The following GRIK2 variants were observed in gnomAD, a reference collection of about 807,000 sequenced individuals.
GRIK2 encodes the protein glutamate ionotropic receptor kainate type subunit 2, also known as glutamate receptor ionotropic, kainate 2.
A neutral mutation model predicts 100.3 loss-of-function variants in GRIK2; 32 were observed. That is an observed-to-expected ratio of 0.32 (90% CI 0.24 to 0.43). The LOEUF (loss-of-function observed/expected upper bound fraction) is 0.43. GRIK2 is among the 20% of genes least tolerant of loss of function. The probability of loss-of-function intolerance (pLI) is 1.00; values close to 1 mark genes in which losing one functional copy is unlikely to be tolerated. For missense variants in GRIK2, 843 were observed against 1,114.9 expected, an observed-to-expected ratio of 0.76 and a Z score of 3.47; for synonymous variants, 417 against 389.4, an observed-to-expected ratio of 1.07 and a Z score of -0.83.
In GRIK2 at chr6:101,599,632, T is replaced by C. The variant is rs186290795; in HGVS notation, c.116-22317T>C. On this transcript the variant is annotated intron_variant, in intron 2 of 16. Coordinates refer to ENST00000369134, the MANE Select transcript of GRIK2 (RefSeq NM_021956.5). ...GGTGTAAGATGGTATCTCGTTGTGGTTTTGATTTGTATTTCTCTAATGATC... is the reference window on the plus strand; with the variant it reads ...GGTGTAAGATGGTATCTCGTTGTGGCTTTGATTTGTATTTCTCTAATGATC... 2.0e-5 allele frequency among the ~76,000 whole-genome samples: 3 copies of C among 151,928 alleles called. No individual in the cohort carries two copies. The East Asian group carries it at 5.9e-4, about 30-fold the overall frequency.
intron 7 of GRIK2, among the ~76,000 whole-genome samples, chr6:101,721,898 A>G (rs1774511937): frequency 6.6e-6 from 1 of 152,028 alleles, no homozygotes; most frequent in Non-Finnish European, 1.5e-5. Context: ...TAATTTCAAT[A>G]TGTTTCATGC....
chr6:101,718,822 C>T (rs1286371560), intron 7 of GRIK2, among the ~76,000 whole-genome samples: 1 of 151,920 alleles, frequency 6.6e-6, no homozygotes, highest in East Asian at 1.9e-4. Context: ...ATGTGATCCT[C>T]AACCAAGCAA....
intron 12 of GRIK2, among the ~76,000 whole-genome samples, chr6:101,922,692 A>C (rs1229225883): frequency 6.6e-6 from 1 of 152,116 alleles, no homozygotes; most frequent in Admixed American, 6.5e-5. Flanking sequence ...TGGGCAGGGG[A>C]ACTAATGGCA....
intron 2 of GRIK2, among the ~76,000 whole-genome samples, chr6:101,547,184 A>G (rs1386262621): frequency 6.6e-6 from 1 of 152,082 alleles, no homozygotes; most frequent in Non-Finnish European, 1.5e-5. Context: ...TGCCATCTAC[A>G]TTATAGTATT....
chr6:101,618,966 A>G (rs902273022), intron 2 of GRIK2, among the ~76,000 whole-genome samples: 1 of 149,704 alleles, frequency 6.7e-6, no homozygotes, highest in African/African-American at 2.5e-5. Context: ...AGTATTTTTA[A>G]ATAAAAATAA....
chr6:101,891,463 G>A (rs1787084831), intron 12 of GRIK2: 1 of 326,344 alleles, frequency 3.1e-6, no homozygotes, highest in Non-Finnish European at 5.7e-6. Context: ...GTTGCAGTAA[G>A]CCGAGATCGT....
At chr6:102,041,544 T>C (rs1388165425) in intron 15 of GRIK2, among the ~76,000 whole-genome samples, 1 of 151,534 alleles carries the variant, frequency 6.6e-6, no homozygotes, top group Non-Finnish European at 1.5e-5. Flanking sequence ...CATAGCATGT[T>C]GCATGGAGTC....
At chr6:101,449,396 T>G (rs958161964) in intron 2 of GRIK2, among the ~76,000 whole-genome samples, 2 of 151,668 alleles carry the variant, frequency 1.3e-5, no homozygotes, top group African/African-American at 4.8e-5. Context: ...GCCAGGCCAA[T>G]GTGAAGCACT....
At chr6:101,594,880 TTC>T (rs1778836599) in intron 2 of GRIK2, among the ~76,000 whole-genome samples, 1 of 151,660 alleles carries the variant, frequency 6.6e-6, no homozygotes, top group Non-Finnish European at 1.5e-5. Context: ...TTGTGTTTTT[TTC>T]TCTTTTTTTT....
At position 101,760,855 on chromosome 6, in the gene GRIK2, C is replaced by A. The variant is rs1051454827; in HGVS notation, c.952-38793C>A. Among the ~76,000 whole-genome samples, 4 of 149,556 alleles carry A rather than the reference C, an allele frequency of 2.7e-5. No homozygotes were observed. The Admixed American group carries it at 2.7e-4, about 10-fold the overall frequency. On this transcript the variant is annotated intron_variant, in intron 7 of 16. Coordinates refer to ENST00000369134, the MANE Select transcript of GRIK2 (RefSeq NM_021956.5). ...TCAAGTACAATCTATGAAAAGTTAACACTGTCATACAAAATTAATTTTTCA... is the reference window on the plus strand; with the variant it reads ...TCAAGTACAATCTATGAAAAGTTAAAACTGTCATACAAAATTAATTTTTCA...
intron 2 of GRIK2, among the ~76,000 whole-genome samples, chr6:101,504,623 CAGT>C (rs376166503): frequency 8.6e-5 from 13 of 151,558 alleles, no homozygotes; most frequent in African/African-American, 3.1e-4. Context: ...TAAACTGAAT[CAGT>C]AGTTGACACA....
intron 2 of GRIK2, among the ~76,000 whole-genome samples, chr6:101,615,058 G>A (rs1159470420): frequency 6.6e-6 from 1 of 151,652 alleles, no homozygotes; most frequent in Non-Finnish European, 1.5e-5. Context: ...TGTAAACCAG[G>A]GATCACTTGA....
chr6:101,753,852 A>G (rs1184016330), intron 7 of GRIK2, among the ~76,000 whole-genome samples: 1 of 151,970 alleles, frequency 6.6e-6, no homozygotes, highest in Non-Finnish European at 1.5e-5. Flanking sequence ...CAATTGAAAT[A>G]CAGTCTTATG....
intron 2 of GRIK2, among the ~76,000 whole-genome samples, chr6:101,599,522 A>G (rs1367967494): frequency 6.6e-6 from 1 of 151,694 alleles, no homozygotes; most frequent in Non-Finnish European, 1.5e-5. Context: ...GAACTAATTT[A>G]TGTTCCCACC....
At chr6:101,889,605 CTTTTTTTT>C in intron 11 of GRIK2, 27 bp from the exon 12 acceptor site, 8 of 711,240 alleles carry the variant, frequency 1.1e-5, no homozygotes, top group East Asian at 9.0e-5. Context: ...TTCTTTCTTT[CTTTTTTTT>C]TTTTTTTTGT....
chr6:101,928,891 A>AT (rs1008789603), intron 14 of GRIK2, among the ~76,000 whole-genome samples: 1 of 152,100 alleles, frequency 6.6e-6, no homozygotes, highest in Non-Finnish European at 1.5e-5. Flanking sequence ...CAAGGGTAAC[A>AT]TTTTTTCCCA....
intron 9 of GRIK2, among the ~76,000 whole-genome samples, chr6:101,806,947 T>C (rs1187730459): frequency 6.6e-6 from 1 of 151,664 alleles, no homozygotes; most frequent in Admixed American, 6.6e-5. Flanking sequence ...AGATGGAAAA[T>C]ATATGCTCCC....
chr6:101,851,005 T>C (rs1562438354), intron 10 of GRIK2, among the ~76,000 whole-genome samples: 1 of 151,972 alleles, frequency 6.6e-6, no homozygotes, highest in Non-Finnish European at 1.5e-5. Flanking sequence ...CATGACACAG[T>C]GTAGCTGGAG....
chr6:101,709,391 G>A (rs935726540), intron 7 of GRIK2, among the ~76,000 whole-genome samples: 4 of 151,770 alleles, frequency 2.6e-5, no homozygotes, highest in African/African-American at 9.7e-5. Flanking sequence ...TAACATTTTA[G>A]AGTGCTTCTT....
Sources: gnomAD v4.1 joint callset for allele counts (sites outside exome capture counted in the v4.1 genomes callset) on GRCh38, gnomAD v4.1.1 for gene constraint, MANE v1.5 for transcripts, NCBI Gene and HGNC (gene_info 2026-07-23, HGNC 2026-07-21) for gene names.